CENPE: variants seen among roughly 807,000 people sequenced by gnomAD.
The protein encoded by CENPE is centromere-associated protein E.
In CENPE, 145 loss-of-function variants were observed where a neutral mutation model predicts 336.1. The observed-to-expected ratio is 0.43, with a 90% CI of 0.38 to 0.50. The LOEUF (loss-of-function observed/expected upper bound fraction) is 0.50. Ranked by LOEUF, CENPE falls within the 20% of genes least tolerant of loss-of-function variation. CENPE has a pLI of 0.00. For synonymous variants in CENPE, 1,013 were observed against 984.8 expected (o/e 1.03, Z -0.54); for missense variants, 2,719 against 3,023.3 (o/e 0.90, Z 2.36).
intron 40 of CENPE, 85 bp downstream of exon 40, chr4:103,136,056 A>G: frequency 8.9e-7 from 1 of 1,123,270 alleles, no homozygotes; most frequent in Non-Finnish European, 1.3e-6. Context: ...TAAATAGCAA[A>G]TATGCCGGCA....
intron 16 of CENPE, 130 bp from the exon 17 acceptor site, chr4:103,163,683 G>T: frequency 2.1e-6 from 1 of 466,892 alleles, no homozygotes. Context: ...CAGTTAGAAA[G>T]GACTGAGATC....
intron 46 of CENPE, among the ~76,000 whole-genome samples, chr4:103,114,210 A>G (rs1361294880): frequency 6.6e-6 from 1 of 152,204 alleles, no homozygotes; most frequent in African/African-American, 2.4e-5. Flanking sequence ...ATAGGTAAAG[A>G]TTTGACAATA....
At chr4:103,108,715 TATCTA>T in intron 48 of CENPE, 83 bp downstream of exon 48, 2 of 1,221,054 alleles carry the variant, frequency 1.6e-6, no homozygotes, top group Non-Finnish European at 2.3e-6. Context: ...AATCATCTCT[TATCTA>T]AACTTGCCCT....
At chr4:103,177,076 T>C (rs764858809) in intron 13 of CENPE, 30 bp from the exon 14 acceptor site, 4 of 1,536,866 alleles carry the variant, frequency 2.6e-6, no homozygotes, top group Non-Finnish European at 3.5e-6. Flanking sequence ...AATTATGTCA[T>C]ATAGATCTGT....
intron 8 of CENPE, among the ~76,000 whole-genome samples, chr4:103,188,466 C>T (rs1445599042): frequency 6.6e-6 from 1 of 152,122 alleles, no homozygotes; most frequent in African/African-American, 2.4e-5. Context: ...TGCAATCAAA[C>T]TAGAACTCAG....
At chr4:103,160,877 A>C (rs1754386601) in intron 20 of CENPE, 98 bp from the exon 21 acceptor site, 3 of 1,143,648 alleles carry the variant, frequency 2.6e-6, no homozygotes, top group Non-Finnish European at 2.4e-6. Flanking sequence ...GATCAGGTAA[A>C]GTTTATTTGA....
At position 103,195,998 on chromosome 4, in the gene CENPE, T is replaced by C. The variant is rs140014434; in HGVS notation, c.279A>G (p.Thr93=). Residue 93 remains threonine (T), a synonymous_variant, in exon 4 of 49, where the codon ACA becomes ACG. Coordinates refer to ENST00000265148, the MANE Select transcript of CENPE (RefSeq NM_001813.3). ...GATCTTCTGAACCCATCATGGTATA[T>C]GTTTTTCCTGAAGCAGTCTGTCCAT... is the stretch of plus-strand genomic sequence containing the variant. ...FAYGQTASGK[T]YTMMGSEDHL... 8.1e-6 allele frequency: 13 copies of C among 1,613,742 alleles called. No individual in the cohort carries two copies. In the African/African-American group the frequency reaches 1.2e-4, roughly 15 times the overall value.
chr4:103,181,479 C>A, intron 11 of CENPE, 23 bp from the exon 12 acceptor site: 1 of 1,544,914 alleles, frequency 6.5e-7, no homozygotes, highest in Non-Finnish European at 8.7e-7. Flanking sequence ...TACGAAAGTG[C>A]TAAGTGTTCA....
Position 103,195,995 on chromosome 4 carries a change from A to G in CENPE, c.282T>C (p.Tyr94=), listed in dbSNP as rs772703627. 1.2e-5 allele frequency: 19 copies of G among 1,613,744 alleles called. No individual in the cohort carries two copies. Among genetic ancestry groups the G allele is most frequent in the Non-Finnish European group, 1.5e-5 (18 of 1,179,794 alleles). The part of the protein sequence containing the change: ...AYGQTASGKT[Y]TMMGSEDHLG... ...AATGATCTTCTGAACCCATCATGGT[A>G]TATGTTTTTCCTGAAGCAGTCTGTC... The change falls in exon 4 of 49, where the codon TAT becomes TAC. Residue 94 remains tyrosine (Y), a synonymous_variant. Coordinates refer to ENST00000265148, the MANE Select transcript of CENPE (RefSeq NM_001813.3).
At chr4:103,129,534 C>T (rs897140553) in intron 42 of CENPE, among the ~76,000 whole-genome samples, 4 of 151,974 alleles carry the variant, frequency 2.6e-5, no homozygotes, top group East Asian at 1.9e-4. Context: ...GTCAGGAGTT[C>T]GAGACCAGCC....
At chr4:103,163,865 T>G (rs560387986) in intron 16 of CENPE, among the ~76,000 whole-genome samples, 3 of 152,230 alleles carry the variant, frequency 2.0e-5, no homozygotes, top group South Asian at 2.1e-4. Context: ...ATGCACTACT[T>G]GGAGGAGAGA....
chr4:103,112,386 C>T (rs1239243336), intron 46 of CENPE, among the ~76,000 whole-genome samples: 1 of 145,168 alleles, frequency 6.9e-6, no homozygotes, highest in Non-Finnish European at 1.5e-5. Context: ...TATACATGTG[C>T]ACGCACAAAT....
chr4:103,195,189 T>C lies in CENPE; in HGVS notation c.402A>G (p.Ile134Met), dbSNP rs1483320303. The change falls in exon 5 of 49, where the codon ATA becomes ATG. Residue 134 changes from isoleucine to methionine, a missense_variant. Coordinates refer to ENST00000265148, the MANE Select transcript of CENPE (RefSeq NM_001813.3). ...GTAAATCTGTAATGGTTTCATTGTA[T>C]ATTTCCATGTAAGATACACGTAAGA... Reference protein sequence around the residue: ...EFLLRVSYMEIYNETITDLLC... With the variant: ...EFLLRVSYMEMYNETITDLLC... 1 of 1,585,176 alleles carries C rather than the reference T, an allele frequency of 6.3e-7. No homozygotes were observed. The highest frequency in any genetic ancestry group is 8.6e-7 in the Non-Finnish European group (1 of 1,169,458).
chr4:103,172,964 A>G (rs779148667), intron 16 of CENPE, among the ~76,000 whole-genome samples: 1 of 152,042 alleles, frequency 6.6e-6, no homozygotes, highest in African/African-American at 2.4e-5. Flanking sequence ...TGCGATATCT[A>G]TCAAAACACC....
chr4:103,198,312 T>A lies in CENPE; in HGVS notation c.8A>T (p.Glu3Val), dbSNP rs755136355. The change falls in exon 1 of 49, where the codon GAG (glutamate) becomes GTG (valine). Residue 3 changes from glutamate to valine, a missense_variant. Coordinates refer to ENST00000265148, the MANE Select transcript of CENPE (RefSeq NM_001813.3). Reference protein sequence around the residue: MAEEGAVAVCVRV... With the variant: MAVEGAVAVCVRV... ...CACGCAGACGGCCACGGCTCCTTCCTCCGCCATCCTATCAGGCTGAACTGG... is the reference window on the plus strand; with the variant it reads ...CACGCAGACGGCCACGGCTCCTTCCACCGCCATCCTATCAGGCTGAACTGG... 3.9e-6 allele frequency: 6 copies of A among 1,551,114 alleles called. No individual in the cohort carries two copies. The highest frequency in any genetic ancestry group is 5.2e-6 in the Non-Finnish European group (6 of 1,146,882).
chr4:103,126,746 A>C (rs1459695062), intron 42 of CENPE, among the ~76,000 whole-genome samples: 1 of 152,218 alleles, frequency 6.6e-6, no homozygotes. Flanking sequence ...TGAGCAAAAA[A>C]ATAAAGAAAT....
chr4:103,177,726 C>T (rs1399964931), intron 13 of CENPE, among the ~76,000 whole-genome samples: 1 of 151,876 alleles, frequency 6.6e-6, no homozygotes, highest in Non-Finnish European at 1.5e-5. Context: ...CTTAAGATTA[C>T]TTGTTGTCCA....
At chr4:103,188,336 A>C (rs1391441598) in intron 8 of CENPE, among the ~76,000 whole-genome samples, 1 of 152,246 alleles carries the variant, frequency 6.6e-6, no homozygotes, top group Non-Finnish European at 1.5e-5. Flanking sequence ...AATCAACAGA[A>C]TATACATTCT....
chr4:103,141,011 T>C lies in CENPE; in HGVS notation c.5557A>G (p.Lys1853Glu). The change falls in exon 36 of 49, where the codon AAG (lysine) becomes GAG (glutamate). Residue 1853 changes from lysine to glutamate, a missense_variant. Around this residue, in one of 5 missense-constraint regions of CENPE, gnomAD observed 2,437 missense variants for 2,513.3 expected, o/e 0.97. Transcript: ENST00000265148. ...AAGCTTTGGTCTTTTATTTGTTTCT[T>C]TAGTTGCTCCATTTCAGACACTTTT... ...QKKVSEMEQL[K>E]KQIKDQSLTL... The C allele has an allele frequency of 6.2e-7, 1 of 1,607,770 alleles. No homozygotes were observed. The highest frequency in any genetic ancestry group is 1.7e-4 in the Middle Eastern group (1 of 5,834).
Sources: allele counts gnomAD v4.1 joint callset (sites outside exome capture counted in the v4.1 genomes callset), GRCh38; gene constraint gnomAD v4.1.1; regional missense constraint gnomAD v4.1.1; transcripts MANE v1.5; gene names NCBI Gene and HGNC (gene_info 2026-07-23, HGNC 2026-07-21).